The following FBN3 variants were observed in gnomAD, a reference collection of about 807,000 sequenced individuals.
FBN3 encodes fibrillin-3.
Under a neutral mutation model 330.1 loss-of-function variants are expected in FBN3, and 234 were observed. The ratio of observed to expected loss-of-function variants is 0.71; its 90% CI spans 0.64 to 0.79. The LOEUF is 0.79. FBN3 is among the 30% of genes least tolerant of loss of function. The probability of loss-of-function intolerance (pLI) is 0.00; values close to 1 mark genes in which losing one functional copy is unlikely to be tolerated. For synonymous variants in FBN3, 1,458 were observed against 1,517.3 expected (o/e 0.96, Z 0.91); for missense variants, 3,606 against 3,886.9 (o/e 0.93, Z 1.92).
At chr19:8,072,866 G>C (rs2081548132) in intron 62 of FBN3, among the ~76,000 whole-genome samples, 197 bp downstream of exon 62, 1 of 152,084 alleles carries the variant, frequency 6.6e-6, no homozygotes, top group South Asian at 2.1e-4. Flanking sequence ...AGGTGCCACT[G>C]TACCTCTGCG....
At position 8,066,234 on chromosome 19, in the gene FBN3, C is replaced by T. The variant is rs1316172486; in HGVS notation, c.8115G>A (p.Glu2705=). The T allele has an allele frequency of 6.3e-6, 10 of 1,582,506 alleles. No homozygotes were observed. The African/African-American group carries it at 8.1e-5, about 13-fold the overall frequency. The change falls in exon 64 of 64, where the codon GAG becomes GAA. Residue 2705 remains glutamate, a synonymous_variant. Coordinates refer to ENST00000600128, the MANE Select transcript of FBN3 (RefSeq NM_032447.5). ...GGTTCAGGCCCAAGGTCAGCAGGGC[C>T]TCGGAGTCAAGGGTGGCCAGGTTCA... The part of the protein sequence containing the change: ...HQVNLATLDS[E]ALLTLGLNLS...
intron 47 of FBN3, among the ~76,000 whole-genome samples, chr19:8,093,350 G>A (rs574559617): frequency 2.6e-5 from 4 of 152,068 alleles, no homozygotes; most frequent in South Asian, 4.2e-4. Flanking sequence ...TGGGCCTGGC[G>A]CAATGGCTCA....
Position 8,133,021 on chromosome 19 carries a change from G to A in FBN3, c.1677C>T (p.Pro559=), listed in dbSNP as rs148754255. The change falls in exon 14 of 64, where the codon CCC becomes CCT. Residue 559 remains proline (P), a synonymous_variant. Transcript: ENST00000600128. ...EDGSFSCLCK[P]GFLLAPGGHY... ...GGCCGCCAGGCGCCAGCAGGAAGCC[G>A]GGTTTGCAGAGGCAGGAGAAGCTGC... 144 of 1,583,334 alleles carry A rather than the reference G, an allele frequency of 9.1e-5. No individual in the cohort carries two copies. In the African/African-American group the frequency reaches 9.6e-4, roughly 11 times the overall value.
chr19:8,084,205 A>T (rs111486693), intron 56 of FBN3, among the ~76,000 whole-genome samples: 1,689 of 152,266 alleles, frequency 0.011, 33 homozygotes, highest in African/African-American at 0.039. Flanking sequence ...TCACACGCAG[A>T]CACTCACATA....
intron 48 of FBN3, among the ~76,000 whole-genome samples, chr19:8,090,533 G>A (rs1226554976): frequency 6.6e-6 from 1 of 150,998 alleles, no homozygotes; most frequent in Non-Finnish European, 1.5e-5. Flanking sequence ...GACCAGGCTG[G>A]AGTGCAGTGG....
intron 8 of FBN3, among the ~76,000 whole-genome samples, chr19:8,140,154 G>C (rs1398012614): frequency 6.6e-6 from 1 of 152,184 alleles, no homozygotes; most frequent in African/African-American, 2.4e-5. Flanking sequence ...AAGCAAGAGA[G>C]ACAGAATATA....
At position 8,109,296 on chromosome 19, in the gene FBN3, C is replaced by G. The variant is rs769863090; in HGVS notation, c.4549G>C (p.Ala1517Pro). The change falls in exon 36 of 64, where the codon GCT becomes CCT. Residue 1517 changes from alanine (A) to proline (P), a missense_variant. By Grantham distance (27) the Ala-to-Pro change is conservative. Coordinates refer to ENST00000600128, the MANE Select transcript of FBN3 (RefSeq NM_032447.5). This position sits in a 1 kb window ranked among gnomAD's most constrained non-coding sequence, Gnocchi z 5.2. ...CGGCCCAGGGAGCAACAGCAGGAAGCTCGGGTGACACCAACTCCGATCTCG... is the reference window on the plus strand; with the variant it reads ...CGGCCCAGGGAGCAACAGCAGGAAGGTCGGGTGACACCAACTCCGATCTCG... ...SAEIGVGVTR[A>P]SCCCSLGRAW... is the part of the protein sequence containing the mutation. The G allele has an allele frequency of 1.2e-6, 2 of 1,614,210 alleles. No individual in the cohort carries two copies. Among genetic ancestry groups the G allele is most frequent in the East Asian group, 4.5e-5 (2 of 44,886 alleles).
chr19:8,076,247 C>CATGTGTGTGTGTGTGTGTGTGTGTGT (rs60725609), intron 59 of FBN3, among the ~76,000 whole-genome samples: 1 of 147,756 alleles, frequency 6.8e-6, no homozygotes, highest in Non-Finnish European at 1.5e-5. Flanking sequence ...TGTCCGTGTG[C>CATGTGTGTGTGTGTGTGTGTGTGTGT]GTGTGTGTGT....
intron 55 of FBN3, 25 bp downstream of exon 55, chr19:8,086,175 A>G (rs1189894894): frequency 2.0e-6 from 3 of 1,470,246 alleles, no homozygotes; most frequent in Admixed American, 3.8e-5. Flanking sequence ...GGTTGCAACC[A>G]CTGTGCGTGT....
chr19:8,148,388 G>A (rs941911811), intron 1 of FBN3, among the ~76,000 whole-genome samples: 10 of 152,182 alleles, frequency 6.6e-5, no homozygotes, highest in Non-Finnish European at 1.5e-4. Context: ...CAGCAGGGAA[G>A]GGACCGCTTC....
At chr19:8,075,584 C>T (rs952298805) in intron 59 of FBN3, among the ~76,000 whole-genome samples, 173 bp from the exon 60 acceptor site, 3 of 152,188 alleles carry the variant, frequency 2.0e-5, no homozygotes, top group African/African-American at 7.2e-5. Context: ...GAATAGGCAC[C>T]AATGTTTGAG....
chr19:8,138,461 C>G lies in FBN3; in HGVS notation c.969G>C (p.Arg323Ser), dbSNP rs763043264. The G allele has an allele frequency of 1.4e-5, 22 of 1,613,418 alleles. No individual in the cohort carries two copies. Among genetic ancestry groups the G allele is most frequent in the Non-Finnish European group, 1.9e-5 (22 of 1,179,994 alleles). ...TRRQCCCDRG[R>S]CWAAGPVPEL... Reference sequence around the variant, plus strand: ...CAGGGACCGGGCCAGCTGCCCAGCACCTGCCCCTGTCACAGCAGCACTGCC... The same window carrying G: ...CAGGGACCGGGCCAGCTGCCCAGCAGCTGCCCCTGTCACAGCAGCACTGCC... The change falls in exon 9 of 64, where the codon AGG becomes AGC. Residue 323 changes from arginine to serine, a missense_variant. Coordinates refer to ENST00000600128, the MANE Select transcript of FBN3 (RefSeq NM_032447.5).
chr19:8,114,836 G>T (rs1196409260), intron 30 of FBN3, among the ~76,000 whole-genome samples: 1 of 151,862 alleles, frequency 6.6e-6, no homozygotes, highest in Admixed American at 6.6e-5. Context: ...TCGCCTCCTG[G>T]GTTCACGCCA....
At position 8,129,504 on chromosome 19, in the gene FBN3, T is replaced by C; in HGVS notation, c.2045-139A>G. 8.7e-7 allele frequency: 1 copy of C among 1,147,676 alleles called. No homozygotes were observed. The highest frequency in any genetic ancestry group is 1.6e-5 in the South Asian group (1 of 64,232). 71.1% of individuals were successfully genotyped at this position (1,147,676 alleles called of 1,614,324 possible). On this transcript the variant is annotated intron_variant, in intron 16 of 63. Coordinates refer to ENST00000600128, the MANE Select transcript of FBN3 (RefSeq NM_032447.5). The surrounding 1 kb of genome is among the most constrained non-coding windows in gnomAD (Gnocchi z 4.5). ...TAGCTCCAGCCCAGACCCGGCCTCA[T>C]TCTGCTCTAAACCGAGGTTTCTCAG...
Position 8,075,077 on chromosome 19 carries a change from A to C in FBN3, c.7696T>G (p.Cys2566Gly). 1.2e-6 allele frequency: 2 copies of C among 1,602,340 alleles called. No individual in the cohort carries two copies. The highest frequency in any genetic ancestry group is 1.7e-6 in the Non-Finnish European group (2 of 1,174,172). The change falls in exon 61 of 64, where the codon TGT becomes GGT. Residue 2566 changes from cysteine to glycine, a missense_variant. Cys to Gly is a radical substitution (Grantham distance 159). Transcript: ENST00000600128. ...CCCAGCCCTTTTCACTCACCCACAC[A>C]CTGGGCCCACTGGGAGTGCTGGGTG... ...GFTQHSQWAQ[C>G]VDENECALSP...
At chr19:8,130,597 A>AAGGAAGG (rs1568439877) in intron 16 of FBN3, among the ~76,000 whole-genome samples, 1 of 12,652 alleles carries the variant, frequency 7.9e-5, no homozygotes, top group African/African-American at 6.8e-4. Flanking sequence ...AGAAAGAAAG[A>AAGGAAGG]AAGAAAGAAA....
At chr19:8,135,286 T>C (rs1011801992) in intron 13 of FBN3, among the ~76,000 whole-genome samples, 1 of 151,980 alleles carries the variant, frequency 6.6e-6, no homozygotes, top group African/African-American at 2.4e-5. Context: ...AAAAAAATTT[T>C]TTTTTTTTTG....
chr19:8,135,936 G>GGGGTCCCCCCCCCC, intron 13 of FBN3, 25 bp downstream of exon 13: 1 of 668,778 alleles, frequency 1.5e-6, no homozygotes, highest in Non-Finnish European at 2.4e-6. Flanking sequence ...GGAAGCCCCT[G>GGGGTCCCCCCCCCC]CCCACCCGCC....
chr19:8,101,002 G>A, intron 40 of FBN3, 30 bp from the exon 41 acceptor site: 3 of 1,595,202 alleles, frequency 1.9e-6, no homozygotes, highest in Non-Finnish European at 2.6e-6. Flanking sequence ...GCTGAGTCTG[G>A]GGCTGCAGGC....
Sources: gnomAD v4.1 joint callset for allele counts (sites outside exome capture counted in the v4.1 genomes callset) on GRCh38, gnomAD v4.1.1 for gene constraint, Gnocchi (gnomAD v3.1) non-coding constraint, MANE v1.5 for transcripts, NCBI Gene and HGNC (gene_info 2026-07-23, HGNC 2026-07-21) for gene names.